The following FAM227B variants were observed in gnomAD, a reference collection of about 807,000 sequenced individuals.
FAM227B encodes the protein family with sequence similarity 227 member B.
FAM227B carries 88 observed loss-of-function variants against 73.8 expected under a neutral mutation model. The ratio of observed to expected loss-of-function variants is 1.19; its 90% CI spans 1.00 to 1.42. The LOEUF (loss-of-function observed/expected upper bound fraction) is 1.42, where lower values mean the gene tolerates loss of function less well. Ranked by LOEUF, FAM227B falls within the 40% of genes most tolerant of loss-of-function variation. FAM227B has a pLI of 0.00. For synonymous variants in FAM227B, 210 were observed against 190.5 expected, an observed-to-expected ratio of 1.10 and a Z score of -0.84; for missense variants, 632 against 590.9, an observed-to-expected ratio of 1.07 and a Z score of -0.72.
At chr15:49,597,874 G>A (rs1294234400) in intron 3 of FAM227B, among the ~76,000 whole-genome samples, 1 of 151,838 alleles carries the variant, frequency 6.6e-6, no homozygotes, top group Non-Finnish European at 1.5e-5. Context: ...AAACCTAGAG[G>A]AGATGGATAA....
intron 13 of FAM227B, among the ~76,000 whole-genome samples, chr15:49,338,959 C>G (rs1021754177): frequency 3.3e-5 from 5 of 152,270 alleles, no homozygotes; most frequent in African/African-American, 1.2e-4. Flanking sequence ...AGTTCTCATG[C>G]TGTGTTTTTC....
chr15:49,373,474 T>G (rs1477042756), intron 11 of FAM227B, among the ~76,000 whole-genome samples: 3 of 152,228 alleles, frequency 2.0e-5, no homozygotes, highest in East Asian at 3.9e-4. Flanking sequence ...TTTTAGTGCT[T>G]CTTCTGTTCT....
intron 11 of FAM227B, among the ~76,000 whole-genome samples, chr15:49,506,590 A>G (rs2058603375): frequency 1.3e-5 from 2 of 152,080 alleles, no homozygotes; most frequent in South Asian, 4.1e-4. Flanking sequence ...CATACAGAGT[A>G]TGCCCTCAGA....
chr15:49,600,446 G>A (rs879943986), intron 3 of FAM227B, among the ~76,000 whole-genome samples: 20 of 151,534 alleles, frequency 1.3e-4, no homozygotes, highest in Admixed American at 2.0e-4. Flanking sequence ...CCGAGGTTAG[G>A]AGTTTGAGAC....
chr15:49,422,145 A>AGAGAGAGAGAGAGAGAGAGAGT (rs757128514), intron 11 of FAM227B, among the ~76,000 whole-genome samples: 8 of 139,820 alleles, frequency 5.7e-5, no homozygotes, highest in African/African-American at 1.5e-4. Context: ...AGAGAGAGAG[A>AGAGAGAGAGAGAGAGAGAGAGT]GTGTGTGTGT....
At chr15:49,527,005 C>G (rs923764835) in intron 10 of FAM227B, among the ~76,000 whole-genome samples, 7 of 151,616 alleles carry the variant, frequency 4.6e-5, no homozygotes, top group African/African-American at 1.2e-4. Context: ...TCCAAAACAT[C>G]AAGGAGGAGG....
At chr15:49,482,423 G>C (rs1334282115) in intron 11 of FAM227B, among the ~76,000 whole-genome samples, 1 of 151,974 alleles carries the variant, frequency 6.6e-6, no homozygotes, top group Non-Finnish European at 1.5e-5. Flanking sequence ...TCATAATTTT[G>C]TTTTAAATGG....
intron 11 of FAM227B, among the ~76,000 whole-genome samples, chr15:49,377,423 T>C (rs1056248666): frequency 4.6e-5 from 7 of 152,098 alleles, no homozygotes; most frequent in Admixed American, 1.3e-4. Flanking sequence ...CAATTTTTAG[T>C]TTTTTGAGGA....
intron 10 of FAM227B, among the ~76,000 whole-genome samples, chr15:49,530,431 G>T (rs2060522828): frequency 6.6e-6 from 1 of 151,766 alleles, no homozygotes; most frequent in African/African-American, 2.4e-5. Context: ...AACAAAAACT[G>T]ATCTTGTTTC....
At chr15:49,456,205 T>C (rs2053270373) in intron 11 of FAM227B, among the ~76,000 whole-genome samples, 1 of 152,164 alleles carries the variant, frequency 6.6e-6, no homozygotes, top group Non-Finnish European at 1.5e-5. Flanking sequence ...CTTTAGAATT[T>C]CATTTTTTAC....
intron 9 of FAM227B, among the ~76,000 whole-genome samples, chr15:49,542,268 C>T (rs1247361486): frequency 6.6e-6 from 1 of 151,614 alleles, no homozygotes; most frequent in Non-Finnish European, 1.5e-5. Context: ...AAGTCTGAGT[C>T]ACAGCCAGTG....
At chr15:49,423,852 A>G (rs558326888) in intron 11 of FAM227B, among the ~76,000 whole-genome samples, 3 of 151,788 alleles carry the variant, frequency 2.0e-5, no homozygotes, top group Admixed American at 6.6e-5. Flanking sequence ...AAATTTTATA[A>G]ATCTACACAT....
chr15:49,348,805 A>G (rs569028627), intron 13 of FAM227B, among the ~76,000 whole-genome samples: 2 of 152,346 alleles, frequency 1.3e-5, no homozygotes, highest in Non-Finnish European at 1.5e-5. Flanking sequence ...TATAGCAAGA[A>G]GGCTTTTACC....
chr15:49,550,018 C>T (rs1164765164), intron 9 of FAM227B, among the ~76,000 whole-genome samples: 1 of 136,908 alleles, frequency 7.3e-6, no homozygotes, highest in Non-Finnish European at 1.7e-5. Flanking sequence ...GGGCTGACCC[C>T]CCCACCTCCC....
intron 11 of FAM227B, among the ~76,000 whole-genome samples, chr15:49,406,229 C>CCAGCAG (rs200026980): frequency 6.6e-6 from 1 of 151,984 alleles, no homozygotes; most frequent in East Asian, 1.9e-4. Context: ...TTCACACATG[C>CCAGCAG]CAGCAGCAGC....
At chr15:49,544,516 T>C (rs1019856310) in intron 9 of FAM227B, among the ~76,000 whole-genome samples, 3 of 152,272 alleles carry the variant, frequency 2.0e-5, no homozygotes, top group South Asian at 4.1e-4. Context: ...TCTTCTTTGA[T>C]TGCTCTGGCT....
At chr15:49,433,337 A>AT (rs1225490708) in intron 11 of FAM227B, among the ~76,000 whole-genome samples, 2 of 150,950 alleles carry the variant, frequency 1.3e-5, no homozygotes, top group South Asian at 2.1e-4. Context: ...CTTACTTTTT[A>AT]TTTTTTTTAA....
rs919595060 is a variant in FAM227B, at chr15:49,489,756, CTATAGATA to C, written c.1012+18447_1012+18454del. 2.6e-4 allele frequency among the ~76,000 whole-genome samples: 31 copies of C among 120,148 alleles called. 2 individuals are homozygous for C. In the South Asian group the frequency reaches 8.1e-3, roughly 31 times the overall value. 78.8% of individuals were successfully genotyped at this position (120,148 alleles called of 152,430 possible). On this transcript the variant is annotated intron_variant, in intron 11 of 15. Transcript: ENST00000299338. ...CTGGTATCCCCTGTTCTATATATAT[CTATAGATA>C]TATAGATATATACAGAACAGGAGAT... is the stretch of plus-strand genomic sequence containing the variant.
intron 3 of FAM227B, among the ~76,000 whole-genome samples, chr15:49,598,983 T>C (rs55662230): frequency 0.11 from 16,364 of 152,108 alleles, 1,245 homozygotes; most frequent in East Asian, 0.36. Context: ...TATTCTTTCC[T>C]CTTCTATTTT....
Sources: allele counts gnomAD v4.1 joint callset (sites outside exome capture counted in the v4.1 genomes callset), GRCh38; gene constraint gnomAD v4.1.1; transcripts MANE v1.5; gene names NCBI Gene and HGNC (gene_info 2026-07-23, HGNC 2026-07-21).